Variants in TGFB2 observed in about 807,000 individuals in gnomAD.
TGFB2 encodes the protein transforming growth factor beta 2, also known as transforming growth factor beta-2 proprotein.
Under a neutral mutation model 42.7 loss-of-function variants are expected in TGFB2, and 13 were observed. The observed-to-expected ratio is 0.30, with a 90% confidence interval of 0.20 to 0.48. The LOEUF (loss-of-function observed/expected upper bound fraction) is 0.48, where lower values mean the gene tolerates loss of function less well. Among genes scored for constraint, TGFB2 ranks in the 20% least tolerant of loss-of-function variants. The pLI is 0.99. For synonymous variants in TGFB2, 193 were observed against 193.6 expected (o/e 1.00, Z 0.03); for missense variants, 390 against 517.5 (o/e 0.75, Z 2.39).
chr1:218,354,934 G>C (rs535295994), intron 1 of TGFB2, among the ~76,000 whole-genome samples: 1 of 152,218 alleles, frequency 6.6e-6, no homozygotes, highest in Admixed American at 6.5e-5. Context: ...ACAGAGCCTT[G>C]CTCTGTTGTC....
chr1:218,380,304 C>G (rs1160215321), intron 1 of TGFB2, among the ~76,000 whole-genome samples: 1 of 152,180 alleles, frequency 6.6e-6, no homozygotes, highest in East Asian at 1.9e-4. Context: ...ACATTCCACT[C>G]TAGAAGTAGA....
intron 2 of TGFB2, among the ~76,000 whole-genome samples, chr1:218,406,110 G>T (rs936075972): frequency 6.7e-6 from 1 of 150,164 alleles, no homozygotes; most frequent in East Asian, 1.9e-4. Context: ...TCCTCTCTTT[G>T]CAACCTCCTT....
Position 218,443,657 on chromosome 1 carries a change from A to C in TGFB2, c.*2295A>C, listed in dbSNP as rs994348581. ...GTTTTGTATTATTTTGTCTTTCCTC[A>C]TGAATGCACTGATAATATTTTAAAT... is the stretch of plus-strand genomic sequence containing the variant. On this transcript the variant is annotated 3_prime_UTR_variant, in exon 7 of 7. Coordinates refer to ENST00000366930, the MANE Select transcript of TGFB2 (RefSeq NM_003238.6). The C allele has an allele frequency of 6.6e-6, 1 of 150,512 alleles. No individual in the cohort carries two copies. The highest frequency in any genetic ancestry group is 1.5e-5 in the Non-Finnish European group (1 of 67,742). The allele number at this position is 150,512 out of a possible 1,614,324, so 9.3% of individuals were successfully genotyped here. A position where few individuals can be genotyped will look rare whatever the true frequency, so the allele number is the denominator to read the frequency against.
chr1:218,405,456 C>G, intron 2 of TGFB2, 124 bp downstream of exon 2: 2 of 1,534,376 alleles, frequency 1.3e-6, no homozygotes, highest in Non-Finnish European at 1.8e-6. Context: ...CCTTGAACTC[C>G]TGGGTTCAAA....
chr1:218,409,172 C>T (rs1659014143), intron 2 of TGFB2, among the ~76,000 whole-genome samples: 1 of 152,194 alleles, frequency 6.6e-6, no homozygotes, highest in African/African-American at 2.4e-5. Flanking sequence ...GCTTTGCTTG[C>T]TTGCCTGCTG....
At chr1:218,421,639 C>T (rs1003912599) in intron 2 of TGFB2, among the ~76,000 whole-genome samples, 5 of 151,530 alleles carry the variant, frequency 3.3e-5, no homozygotes, top group African/African-American at 1.2e-4. Flanking sequence ...GGATTGTGTC[C>T]CTTCCCCTAC....
chr1:218,434,556 G>A, intron 4 of TGFB2, 108 bp downstream of exon 4: 3 of 703,818 alleles, frequency 4.3e-6, no homozygotes, highest in Non-Finnish European at 7.2e-6. Context: ...TAAGGCCTGG[G>A]GAGTTTCATT....
intron 6 of TGFB2, 39 bp from the exon 7 acceptor site, chr1:218,441,165 C>A (rs1246503612): frequency 1.9e-6 from 3 of 1,566,290 alleles, no homozygotes; most frequent in Non-Finnish European, 2.6e-6. Context: ...CATTTTCCGT[C>A]TTTCCCTATG....
chr1:218,423,836 C>T (rs981484776), intron 2 of TGFB2, among the ~76,000 whole-genome samples: 4 of 152,182 alleles, frequency 2.6e-5, no homozygotes, highest in Admixed American at 6.5e-5. Flanking sequence ...CTCCCTACTC[C>T]GTGACACTTA....
At chr1:218,370,133 G>T (rs940064253) in intron 1 of TGFB2, among the ~76,000 whole-genome samples, 2 of 152,198 alleles carry the variant, frequency 1.3e-5, no homozygotes, top group Non-Finnish European at 2.9e-5. Context: ...GAAACAAAAA[G>T]CCAACCCTGT....
rs1656697535 is a variant in TGFB2, at chr1:218,346,813, G to C, written c.112G>C (p.Glu38Gln). 8 of 1,614,096 alleles carry C rather than the reference G, an allele frequency of 5.0e-6. No individual in the cohort carries two copies. The highest frequency in any genetic ancestry group is 6.8e-6 in the Non-Finnish European group (8 of 1,180,024). Residue 38 changes from glutamate (E) to glutamine (Q), a missense_variant, in exon 1 of 7, where the codon GAG becomes CAG. Coordinates refer to ENST00000366930, the MANE Select transcript of TGFB2 (RefSeq NM_003238.6). The surrounding 1 kb of genome is among the most constrained non-coding windows in gnomAD (Gnocchi z 4.9). ...DMDQFMRKRIEAIRGQILSKL... is the reference protein window; with the variant it reads ...DMDQFMRKRIQAIRGQILSKL... ...GGACCAGTTCATGCGCAAGAGGATCGAGGCGATCCGCGGGCAGATCCTGAG... is the reference window on the plus strand; with the variant it reads ...GGACCAGTTCATGCGCAAGAGGATCCAGGCGATCCGCGGGCAGATCCTGAG...
intron 2 of TGFB2, among the ~76,000 whole-genome samples, chr1:218,423,389 C>T (rs1406478325): frequency 6.6e-6 from 1 of 152,136 alleles, no homozygotes; most frequent in East Asian, 1.9e-4. Flanking sequence ...ACCACATGCT[C>T]AGCAAATCCC....
intron 1 of TGFB2, among the ~76,000 whole-genome samples, chr1:218,360,122 C>T (rs1657163159): frequency 6.6e-6 from 1 of 152,194 alleles, no homozygotes; most frequent in Non-Finnish European, 1.5e-5. Context: ...AAGCCTTTGT[C>T]AGCCACTCCA....
intron 1 of TGFB2, among the ~76,000 whole-genome samples, chr1:218,387,038 A>G (rs1658160265): frequency 6.6e-5 from 10 of 152,238 alleles, no homozygotes; most frequent in Admixed American, 6.5e-4. Flanking sequence ...GGAGAAATTC[A>G]TTGTGCTCTG....
At chr1:218,393,110 T>C (rs1264028338) in intron 1 of TGFB2, among the ~76,000 whole-genome samples, 2 of 152,216 alleles carry the variant, frequency 1.3e-5, no homozygotes, top group African/African-American at 2.4e-5. Context: ...CGGCTAATAA[T>C]GACCCGCTAC....
rs1660244859 is a variant in TGFB2 at position 218,444,098 on chromosome 1, T to A, written c.*2736T>A. 6.6e-6 allele frequency: 1 copy of A among 152,178 alleles called. No homozygotes were observed. The highest frequency in any genetic ancestry group is 6.5e-5 in the Admixed American group (1 of 15,272). The allele number at this position is 152,178 out of a possible 1,614,324, so 9.4% of individuals were successfully genotyped here. On this transcript the variant is annotated 3_prime_UTR_variant, in exon 7 of 7. Transcript: ENST00000366930. The stretch of plus-strand genomic sequence containing the variant: ...GGAAAAGTCATACCACCTTTCCGAT[T>A]GCCCTCTGTGCTTTCTCCCTTAAGG...
chr1:218,412,903 T>G (rs563195695), intron 2 of TGFB2, among the ~76,000 whole-genome samples: 2 of 152,272 alleles, frequency 1.3e-5, no homozygotes, highest in Non-Finnish European at 2.9e-5. Flanking sequence ...AGTGATGTAT[T>G]AGGTTCATAC....
intron 1 of TGFB2, among the ~76,000 whole-genome samples, chr1:218,378,808 A>G (rs1211687717): frequency 6.6e-6 from 1 of 151,992 alleles, no homozygotes; most frequent in Non-Finnish European, 1.5e-5. Flanking sequence ...ACCTGAGGAA[A>G]CAATATGCAT....
At position 218,444,136 on chromosome 1, in the gene TGFB2, G is replaced by T. The variant is rs889436327; in HGVS notation, c.*2774G>T. 3.9e-5 allele frequency: 6 copies of T among 152,096 alleles called. No homozygotes were observed. Among genetic ancestry groups the T allele is most frequent in the African/African-American group, 1.4e-4 (6 of 41,404 alleles). The allele number at this position is 152,096 out of a possible 1,614,324, so 9.4% of individuals were successfully genotyped here. On this transcript the variant is annotated 3_prime_UTR_variant, in exon 7 of 7. Transcript: ENST00000366930. The stretch of plus-strand genomic sequence containing the variant: ...TTCTCCCTTAAGGACAGTCACTTCA[G>T]AAGTCATGCTTTAAAGCACAAGAGT...
Sources: allele counts gnomAD v4.1 joint callset (sites outside exome capture counted in the v4.1 genomes callset), GRCh38; gene constraint gnomAD v4.1.1; non-coding constraint Gnocchi (gnomAD v3.1); transcripts MANE v1.5; gene names NCBI Gene and HGNC (gene_info 2026-07-23, HGNC 2026-07-21).